Variants in TRIM55 observed in about 807,000 individuals in gnomAD.
The protein encoded by TRIM55 is tripartite motif-containing protein 55.
In TRIM55, 50 loss-of-function variants were observed where a neutral mutation model predicts 60.9. That is an observed-to-expected ratio of 0.82 (90% CI 0.65 to 1.04). TRIM55 has a LOEUF of 1.04. TRIM55 is among the 50% of genes least tolerant of loss of function. TRIM55 has a pLI of 0.00. For missense variants in TRIM55, 681 were observed against 666.9 expected, an observed-to-expected ratio of 1.02 and a Z score of -0.23; for synonymous variants, 237 against 238.1, an observed-to-expected ratio of 1.00 and a Z score of 0.04.
chr8:66,136,589 T>C (rs1206545055), intron 3 of TRIM55, among the ~76,000 whole-genome samples: 2 of 152,186 alleles, frequency 1.3e-5, no homozygotes, highest in Non-Finnish European at 2.9e-5. Context: ...CAAAGGAATT[T>C]AAAAGTTGAC....
At chr8:66,170,954 T>G (rs1811591997) in intron 9 of TRIM55, among the ~76,000 whole-genome samples, 1 of 152,252 alleles carries the variant, frequency 6.6e-6, no homozygotes, top group Admixed American at 6.5e-5. Context: ...TGACAGAGCC[T>G]TGTAGACATC....
rs1247970570 is a variant in TRIM55, at chr8:66,127,209, C to A, written c.-60C>A. 23 of 1,514,608 alleles carry A rather than the reference C, an allele frequency of 1.5e-5. No individual in the cohort carries two copies. The highest frequency in any genetic ancestry group is 2.0e-5 in the Non-Finnish European group (22 of 1,109,012). 93.8% of individuals were successfully genotyped at this position (1,514,608 alleles called of 1,614,324 possible). On this transcript the variant is annotated 5_prime_UTR_variant, in exon 1 of 10. Coordinates refer to ENST00000315962, the MANE Select transcript of TRIM55 (RefSeq NM_184085.2). ...AATCCCTGGAATAATATCCAGGAAA[C>A]ACTTGCTGGAGCCACTCGCAGCACC...
the TRIM55 span, among the ~76,000 whole-genome samples, chr8:66,117,359 T>G: frequency 6.6e-6 from 1 of 152,258 alleles, no homozygotes; most frequent in Admixed American, 6.5e-5. Flanking sequence ...ATCTAACTTT[T>G]AAACAATATT....
upstream of TRIM55, chr8:66,126,869 T>G (rs1169752737): frequency 6.2e-6 from 1 of 162,436 alleles, no homozygotes; most frequent in Non-Finnish European, 1.3e-5. Context: ...GAGGGCATGG[T>G]TCAGTGGCTA....
chr8:66,114,238 C>A, the TRIM55 span, among the ~76,000 whole-genome samples: 2 of 152,152 alleles, frequency 1.3e-5, no homozygotes, highest in South Asian at 2.1e-4. Flanking sequence ...CGAGAGGTAG[C>A]GGGATCGATG....
At chr8:66,157,334 T>C (rs753467280) in intron 9 of TRIM55, among the ~76,000 whole-genome samples, 4 of 152,216 alleles carry the variant, frequency 2.6e-5, no homozygotes, top group Non-Finnish European at 4.4e-5. Context: ...CTGTTCATGA[T>C]GGAGTACTAC....
At chr8:66,163,902 G>T (rs992520866) in intron 9 of TRIM55, among the ~76,000 whole-genome samples, 1 of 152,048 alleles carries the variant, frequency 6.6e-6, no homozygotes, top group Non-Finnish European at 1.5e-5. Context: ...TTGTGGATTT[G>T]TCTATTCTTA....
chr8:66,160,563 G>A (rs927658707), intron 9 of TRIM55, among the ~76,000 whole-genome samples: 5 of 152,032 alleles, frequency 3.3e-5, no homozygotes, highest in African/African-American at 1.2e-4. Flanking sequence ...TGGATCAAAT[G>A]GTAGATCTAC....
chr8:66,114,291 T>C, the TRIM55 span, among the ~76,000 whole-genome samples: 2 of 152,108 alleles, frequency 1.3e-5, no homozygotes, highest in African/African-American at 2.4e-5. Flanking sequence ...ACGGTTTTTC[T>C]TTCGATTCTC....
rs1276734873 is a variant in TRIM55 at position 66,137,188 on chromosome 8, G to A, written c.601G>A (p.Glu201Lys). 6.2e-6 allele frequency: 10 copies of A among 1,613,448 alleles called. No homozygotes were observed. Among genetic ancestry groups the A allele is most frequent in the African/African-American group, 2.7e-5 (2 of 74,870 alleles). The part of the protein sequence containing the change: ...SQLEDTCKTI[E>K]ECCRKQKQEL... ...GCTGGAAGACACCTGCAAAACTATCGAGGTGAGTCAGGTGACTCCCACAGC... is the reference window on the plus strand; with the variant it reads ...GCTGGAAGACACCTGCAAAACTATCAAGGTGAGTCAGGTGACTCCCACAGC... Residue 201 changes from glutamate to lysine, a missense_variant and splice_region_variant, in exon 4 of 10, where the codon GAG becomes AAG. Physicochemically the swap from Glu to Lys is moderately conservative, Grantham distance 56. Transcript: ENST00000315962.
chr8:66,174,428 A>G (rs187491397), intron 9 of TRIM55, 43 bp from the exon 10 acceptor site: 3 of 1,597,424 alleles, frequency 1.9e-6, no homozygotes, highest in African/African-American at 2.7e-5. Context: ...TCCAAAAAGA[A>G]CAAACCTCTT....
intron 8 of TRIM55, among the ~76,000 whole-genome samples, chr8:66,153,807 A>T (rs1200725595): frequency 6.6e-6 from 1 of 152,108 alleles, no homozygotes; most frequent in Non-Finnish European, 1.5e-5. Flanking sequence ...GCTCCCAGTG[A>T]GTGAAAGACA....
chr8:66,159,817 C>T (rs1199852225), intron 9 of TRIM55, among the ~76,000 whole-genome samples: 2 of 152,112 alleles, frequency 1.3e-5, no homozygotes, highest in African/African-American at 4.8e-5. Context: ...TTTTCTTGTG[C>T]TTATTGGTCA....
chr8:66,153,971 A>G, intron 8 of TRIM55, 76 bp from the exon 9 acceptor site: 1 of 1,436,900 alleles, frequency 7.0e-7, no homozygotes. Flanking sequence ...CCCAAAGGGA[A>G]CTAAAATCAA....
At chr8:66,147,333 TG>T (rs923868398) in intron 4 of TRIM55, among the ~76,000 whole-genome samples, 11 of 152,336 alleles carry the variant, frequency 7.2e-5, no homozygotes, top group African/African-American at 2.6e-4. Flanking sequence ...ATAATTTGGT[TG>T]GGAACTGTGA....
chr8:66,137,864 C>T (rs1256378087), intron 4 of TRIM55, among the ~76,000 whole-genome samples: 1 of 152,036 alleles, frequency 6.6e-6, no homozygotes, highest in East Asian at 1.9e-4. Context: ...CTACTTGTCC[C>T]TCAAGATCAA....
At chr8:66,119,742 G>A in the TRIM55 span, among the ~76,000 whole-genome samples, 1 of 152,126 alleles carries the variant, frequency 6.6e-6, no homozygotes, top group South Asian at 2.1e-4. Context: ...ATTTGAATTT[G>A]CCCCCAATAT....
the TRIM55 span, among the ~76,000 whole-genome samples, chr8:66,114,235 T>C: frequency 4.6e-5 from 7 of 152,142 alleles, no homozygotes; most frequent in South Asian, 2.1e-4. Flanking sequence ...ATGCGAGAGG[T>C]AGCGGGATCG....
chr8:66,152,663 G>A, intron 8 of TRIM55, 36 bp downstream of exon 8: 3 of 1,594,052 alleles, frequency 1.9e-6, no homozygotes, highest in Non-Finnish European at 2.6e-6. Context: ...CAGGGCACAT[G>A]GGCGTGTCTC....
Sources: gnomAD v4.1 joint callset for allele counts (sites outside exome capture counted in the v4.1 genomes callset) on GRCh38, gnomAD v4.1.1 for gene constraint, MANE v1.5 for transcripts, NCBI Gene and HGNC (gene_info 2026-07-23, HGNC 2026-07-21) for gene names.